The following CCDC158 variants were observed in gnomAD, a reference collection of about 807,000 sequenced individuals.
CCDC158 encodes the protein coiled-coil domain-containing protein 158.
CCDC158 carries 116 observed loss-of-function variants against 138.6 expected under a neutral mutation model. The observed-to-expected ratio is 0.84, with a 90% CI of 0.72 to 0.98. CCDC158 has a LOEUF of 0.98. Ranked by LOEUF, CCDC158 falls within the 50% of genes least tolerant of loss-of-function variation. The probability of loss-of-function intolerance (pLI) is 0.00; values close to 1 mark genes in which losing one functional copy is unlikely to be tolerated. For missense variants in CCDC158, 1,265 were observed against 1,306.1 expected, an observed-to-expected ratio of 0.97 and a Z score of 0.48; for synonymous variants, 436 against 442.4, an observed-to-expected ratio of 0.99 and a Z score of 0.18.
At chr4:76,400,428 T>C (rs1198835613) in intron 3 of CCDC158, among the ~76,000 whole-genome samples, 1 of 148,900 alleles carries the variant, frequency 6.7e-6, no homozygotes, top group Non-Finnish European at 1.5e-5. Context: ...GGGGGAGTGA[T>C]AGCATTAGGA....
intron 18 of CCDC158, among the ~76,000 whole-genome samples, chr4:76,337,899 AG>A (rs1393965109): frequency 2.0e-5 from 3 of 152,216 alleles, no homozygotes; most frequent in Non-Finnish European, 4.4e-5. Flanking sequence ...CCTTAGAACA[AG>A]GGTCCCCAAA....
chr4:76,348,104 A>T (rs1026302737), intron 18 of CCDC158, among the ~76,000 whole-genome samples: 2 of 151,972 alleles, frequency 1.3e-5, no homozygotes, highest in African/African-American at 2.4e-5. Flanking sequence ...AGAAGGGGCA[A>T]ACAAGCTCTC....
intron 13 of CCDC158, among the ~76,000 whole-genome samples, chr4:76,359,882 A>G (rs1042523415): frequency 1.3e-5 from 2 of 152,260 alleles, no homozygotes; most frequent in Non-Finnish European, 2.9e-5. Flanking sequence ...TTTGCTAAGT[A>G]AAGAGGAGCC....
chr4:76,323,064 G>A (rs1394492463), intron 24 of CCDC158, among the ~76,000 whole-genome samples: 3 of 152,172 alleles, frequency 2.0e-5, no homozygotes, highest in Non-Finnish European at 2.9e-5. Context: ...CCTGAGGGAT[G>A]GCCGGCAGGA....
At chr4:76,377,469 C>T (rs1725821612) in intron 9 of CCDC158, among the ~76,000 whole-genome samples, 1 of 152,180 alleles carries the variant, frequency 6.6e-6, no homozygotes, top group African/African-American at 2.4e-5. Context: ...GAGTGCCTAC[C>T]TCCACTAGAC....
At chr4:76,372,282 T>C (rs1266136893) in intron 9 of CCDC158, among the ~76,000 whole-genome samples, 2 of 152,080 alleles carry the variant, frequency 1.3e-5, no homozygotes, top group African/African-American at 2.4e-5. Flanking sequence ...CTACAAAAAA[T>C]ATTTTTTTAA....
At chr4:76,382,760 A>T in intron 7 of CCDC158, 40 bp from the exon 8 acceptor site, 2 of 1,275,024 alleles carry the variant, frequency 1.6e-6, no homozygotes, top group South Asian at 1.3e-5. Flanking sequence ...GATACAGAAG[A>T]TTTTCCTGAC....
intron 22 of CCDC158, among the ~76,000 whole-genome samples, chr4:76,327,960 C>T (rs1032311476): frequency 3.9e-5 from 6 of 151,966 alleles, no homozygotes; most frequent in African/African-American, 1.2e-4. Context: ...TATTTTTGGT[C>T]CTTATTTTTA....
chr4:76,354,522 G>A (rs556227471), intron 15 of CCDC158, among the ~76,000 whole-genome samples: 9 of 152,118 alleles, frequency 5.9e-5, no homozygotes, highest in East Asian at 1.9e-4. Flanking sequence ...TGAAATAGAC[G>A]CTTTTTCCAA....
chr4:76,359,817 C>T (rs28898345), intron 13 of CCDC158, among the ~76,000 whole-genome samples: 4,471 of 152,312 alleles, frequency 0.029, 220 homozygotes, highest in African/African-American at 0.1. Context: ...GCATCCCAAC[C>T]ATGCAGTTGA....
chr4:76,381,344 G>A (rs1410856932), intron 8 of CCDC158, among the ~76,000 whole-genome samples: 1 of 152,236 alleles, frequency 6.6e-6, no homozygotes, highest in East Asian at 1.9e-4. Flanking sequence ...GCTGCCCAAC[G>A]CCTTGGGAGC....
In CCDC158 at chr4:76,357,544, C is replaced by T. The variant is rs777617959; in HGVS notation, c.2021-18G>A. ...ATACTCCTCTATACAATGTGATAAT[C>T]AATAATAGATGGTTACTTTTTTCTA... On this transcript the variant is annotated intron_variant, in intron 13 of 24. Transcript: ENST00000682701. The T allele has an allele frequency of 1.4e-6, 2 of 1,434,782 alleles. No homozygotes were observed. Among genetic ancestry groups the T allele is most frequent in the Admixed American group, 5.0e-5 (2 of 39,844 alleles). 88.9% of individuals were successfully genotyped at this position (1,434,782 alleles called of 1,614,324 possible).
intron 10 of CCDC158, among the ~76,000 whole-genome samples, chr4:76,370,979 A>G (rs1449711425): frequency 7.5e-6 from 1 of 133,316 alleles, no homozygotes; most frequent in Non-Finnish European, 1.8e-5. Context: ...CTCATCCTAT[A>G]GTTCCTCTAA....
At chr4:76,395,156 C>A (rs1727662635) in intron 4 of CCDC158, among the ~76,000 whole-genome samples, 1 of 152,136 alleles carries the variant, frequency 6.6e-6, no homozygotes, top group Non-Finnish European at 1.5e-5. Flanking sequence ...TGTTTCTTCT[C>A]CTCATTAGTG....
chr4:76,416,662 G>A (rs1014691769), intron 1 of CCDC158, among the ~76,000 whole-genome samples: 1 of 152,238 alleles, frequency 6.6e-6, no homozygotes, highest in African/African-American at 2.4e-5. Context: ...CCAATGTGCA[G>A]CTCAGGCTGT....
intron 2 of CCDC158, among the ~76,000 whole-genome samples, chr4:76,403,865 C>G (rs188974313): frequency 4.6e-5 from 7 of 152,206 alleles, no homozygotes; most frequent in Admixed American, 3.9e-4. Context: ...ATTCCCGCAG[C>G]CCACCTACCA....
At chr4:76,401,232 C>A in intron 3 of CCDC158, 1 of 382,110 alleles carries the variant, frequency 2.6e-6, no homozygotes, top group Admixed American at 2.8e-5. Context: ...ACTTCTTCGC[C>A]AGTAGCACTC....
intron 18 of CCDC158, among the ~76,000 whole-genome samples, chr4:76,338,149 A>G (rs1560800978): frequency 6.6e-6 from 1 of 152,328 alleles, no homozygotes; most frequent in East Asian, 1.9e-4. Flanking sequence ...TGGGAATCTA[A>G]TGCCTGATGA....
intron 9 of CCDC158, among the ~76,000 whole-genome samples, chr4:76,377,229 G>C (rs769456626): frequency 2.0e-5 from 3 of 152,190 alleles, no homozygotes; most frequent in Non-Finnish European, 4.4e-5. Flanking sequence ...CCAAACAACA[G>C]TATAATGGAA....
Sources: allele counts gnomAD v4.1 joint callset (sites outside exome capture counted in the v4.1 genomes callset), GRCh38; gene constraint gnomAD v4.1.1; transcripts MANE v1.5; gene names NCBI Gene and HGNC (gene_info 2026-07-23, HGNC 2026-07-21).